Variants in HSDL2 observed in about 807,000 individuals in gnomAD.
HSDL2 encodes hydroxysteroid dehydrogenase-like protein 2.
In HSDL2, 27 loss-of-function variants were observed where a neutral mutation model predicts 46.3. The ratio of observed to expected loss-of-function variants is 0.58; its 90% CI spans 0.43 to 0.80. The LOEUF (loss-of-function observed/expected upper bound fraction) is 0.80. Ranked by LOEUF, HSDL2 falls within the 30% of genes least tolerant of loss-of-function variation. HSDL2 has a pLI of 0.00. For synonymous variants in HSDL2, 153 were observed against 163.6 expected, an observed-to-expected ratio of 0.94 and a Z score of 0.50; for missense variants, 451 against 502.7, an observed-to-expected ratio of 0.90 and a Z score of 0.98.
At chr9:112,463,729 C>T (rs1264905650) in intron 10 of HSDL2, among the ~76,000 whole-genome samples, 5 of 151,864 alleles carry the variant, frequency 3.3e-5, no homozygotes, top group South Asian at 2.1e-4. Context: ...GGCATGATCT[C>T]GGCTCACTGC....
At chr9:112,421,300 CT>C (rs1487392268) in intron 6 of HSDL2, among the ~76,000 whole-genome samples, 1 of 152,070 alleles carries the variant, frequency 6.6e-6, no homozygotes. Context: ...GTACTCTAGC[CT>C]TTTGAGACAG....
At position 112,447,666 on chromosome 9, in the gene HSDL2, A is replaced by G. The variant is rs142028008; in HGVS notation, c.865+5896A>G. ...CTTCTGGTGAGTTTCACATCTCAGC[A>G]CTGTGTTCAGCTTTTATGTTGGCTA... On this transcript the variant is annotated intron_variant, in intron 8 of 10. Transcript: ENST00000398805. Among the ~76,000 whole-genome samples the G allele has an allele frequency of 3.9e-5, 6 of 152,262 alleles. No individual in the cohort carries two copies. In the East Asian group the frequency reaches 1.2e-3, roughly 29 times the overall value.
intron 6 of HSDL2, among the ~76,000 whole-genome samples, chr9:112,423,558 C>T (rs1832174870): frequency 6.6e-6 from 1 of 152,048 alleles, no homozygotes; most frequent in South Asian, 2.1e-4. Context: ...ATCCACCTGC[C>T]TCGGCCTCCC....
intron 8 of HSDL2, among the ~76,000 whole-genome samples, chr9:112,450,383 A>G (rs994484922): frequency 1.3e-5 from 2 of 152,116 alleles, no homozygotes; most frequent in Non-Finnish European, 2.9e-5. Context: ...TAATCCCAGC[A>G]TTTTGGGAGG....
chr9:112,454,096 G>A lies in HSDL2; in HGVS notation c.949G>A (p.Val317Ile). ...AGCTGTGGAAGAAACATTTAGAATT[G>A]TTAAGGACTCTCTCAGTGATGATGT... ...SGAVEETFRI[V>I]KDSLSDDVVK... Residue 317 changes from valine (V) to isoleucine (I), a missense_variant, in exon 9 of 11, where the codon GTT (valine) becomes ATT (isoleucine). By Grantham distance (29) the Val-to-Ile change is conservative. Coordinates refer to ENST00000398805, the MANE Select transcript of HSDL2 (RefSeq NM_032303.5). The A allele has an allele frequency of 1.2e-6, 2 of 1,614,094 alleles. No individual in the cohort carries two copies. Among genetic ancestry groups the A allele is most frequent in the African/African-American group, 1.3e-5 (1 of 75,048 alleles).
At chr9:112,438,024 G>A (rs1479851088) in intron 6 of HSDL2, among the ~76,000 whole-genome samples, 1 of 152,102 alleles carries the variant, frequency 6.6e-6, no homozygotes, top group East Asian at 1.9e-4. Context: ...GAGGCGGACG[G>A]ATCACAAGGT....
intron 1 of HSDL2, among the ~76,000 whole-genome samples, chr9:112,396,124 G>T (rs1009193925): frequency 1.3e-5 from 2 of 152,168 alleles, no homozygotes; most frequent in Admixed American, 6.5e-5. Flanking sequence ...GAGTTATGTG[G>T]AATATTAATT....
rs187295852 is a variant in HSDL2, at chr9:112,398,612, A to T, written c.18-5383A>T. Among the ~76,000 whole-genome samples the T allele has an allele frequency of 5.3e-3, 811 of 152,144 alleles. 10 individuals carry two copies. Among genetic ancestry groups the T allele is most frequent in the African/African-American group, 0.018 (765 of 41,502 alleles). Reference sequence around the variant, plus strand: ...GAACGGGAGAGGAAACCTGAGGAAGAGGTAGAGGGTCACCAGACACAGAAA... The same window carrying T: ...GAACGGGAGAGGAAACCTGAGGAAGTGGTAGAGGGTCACCAGACACAGAAA... On this transcript the variant is annotated intron_variant, in intron 1 of 10. Transcript: ENST00000398805.
chr9:112,459,744 C>T (rs1833148844), intron 10 of HSDL2, among the ~76,000 whole-genome samples, 167 bp downstream of exon 10: 1 of 152,208 alleles, frequency 6.6e-6, no homozygotes, highest in African/African-American at 2.4e-5. Context: ...ACTTCTCCCT[C>T]CTCTCACAAG....
intron 10 of HSDL2, among the ~76,000 whole-genome samples, chr9:112,466,777 C>A (rs1348958194): frequency 1.3e-5 from 2 of 151,872 alleles, no homozygotes; most frequent in Non-Finnish European, 2.9e-5. Flanking sequence ...AGCTTTATAC[C>A]TATATTTTCT....
At chr9:112,412,052 T>G (rs1473854006) in intron 4 of HSDL2, among the ~76,000 whole-genome samples, 1 of 152,154 alleles carries the variant, frequency 6.6e-6, no homozygotes, top group Non-Finnish European at 1.5e-5. Context: ...GGTCTGAAAA[T>G]CCCAAATCCA....
chr9:112,406,801 A>G (rs1275648058), intron 3 of HSDL2, among the ~76,000 whole-genome samples: 1 of 152,082 alleles, frequency 6.6e-6, no homozygotes, highest in Non-Finnish European at 1.5e-5. Context: ...TTTGATCCTT[A>G]TCTTGTACTA....
At chr9:112,468,609 C>G (rs963499045) in intron 10 of HSDL2, among the ~76,000 whole-genome samples, 1 of 151,872 alleles carries the variant, frequency 6.6e-6, no homozygotes, top group South Asian at 2.1e-4. Flanking sequence ...CCTTCATCCC[C>G]TCTTCTTCTC....
intron 6 of HSDL2, 73 bp downstream of exon 6, chr9:112,419,031 A>G: frequency 2.5e-6 from 2 of 793,704 alleles, no homozygotes; most frequent in South Asian, 1.4e-5. Flanking sequence ...ATTTTTTGAC[A>G]GAATCTCACT....
At chr9:112,391,690 G>C (rs1440762331) in intron 1 of HSDL2, among the ~76,000 whole-genome samples, 1 of 152,098 alleles carries the variant, frequency 6.6e-6, no homozygotes, top group African/African-American at 2.4e-5. Context: ...TGGATCACCT[G>C]AGGTCAGGAG....
rs912690886 is a variant in HSDL2 at position 112,471,531 on chromosome 9, C to T, written c.*987C>T. The T allele has an allele frequency of 3.3e-5, 5 of 152,256 alleles. No individual in the cohort carries two copies. The highest frequency in any genetic ancestry group is 7.3e-5 in the Non-Finnish European group (5 of 68,072). The allele number at this position is 152,256 out of a possible 1,614,324, so 9.4% of individuals were successfully genotyped here. On this transcript the variant is annotated 3_prime_UTR_variant, in exon 11 of 11. Transcript: ENST00000398805. ...AAATCACCAGCACCTTGATCTTTGA[C>T]TTCTAATCTCCAGAATAGTGAGAAA...
At chr9:112,454,518 A>G (rs1035729419) in intron 9 of HSDL2, among the ~76,000 whole-genome samples, 1 of 152,044 alleles carries the variant, frequency 6.6e-6, no homozygotes, top group African/African-American at 2.4e-5. Flanking sequence ...TTTTATTACA[A>G]ATACTCCCAG....
intron 4 of HSDL2, among the ~76,000 whole-genome samples, chr9:112,413,350 C>T (rs987074927): frequency 2.6e-5 from 4 of 151,966 alleles, no homozygotes; most frequent in East Asian, 1.9e-4. Flanking sequence ...TGGTGGCACA[C>T]GCCTGTAATC....
At chr9:112,425,125 A>C (rs1005725733) in intron 6 of HSDL2, among the ~76,000 whole-genome samples, 5 of 152,144 alleles carry the variant, frequency 3.3e-5, no homozygotes, top group African/African-American at 1.2e-4. Context: ...TTTTCATCAT[A>C]ATATATATGC....
Sources: allele counts gnomAD v4.1 joint callset (sites outside exome capture counted in the v4.1 genomes callset), GRCh38; gene constraint gnomAD v4.1.1; transcripts MANE v1.5; gene names NCBI Gene and HGNC (gene_info 2026-07-23, HGNC 2026-07-21).